SSH2: variants seen among roughly 807,000 people sequenced by gnomAD.
SSH2 encodes the protein slingshot protein phosphatase 2.
A neutral mutation model predicts 135.2 loss-of-function variants in SSH2; 37 were observed. That is an observed-to-expected ratio of 0.27 (90% confidence interval 0.21 to 0.36). The LOEUF is 0.36. Ranked by LOEUF, SSH2 falls within the 10% of genes least tolerant of loss-of-function variation. SSH2 has a pLI of 1.00. For missense variants in SSH2, 1,408 were observed against 1,765.3 expected, an observed-to-expected ratio of 0.80 and a Z score of 3.63; for synonymous variants, 628 against 646.2, an observed-to-expected ratio of 0.97 and a Z score of 0.43.
In SSH2 at chr17:29,853,977, A is replaced by G. The variant is rs190619669; in HGVS notation, c.64-5048T>C. On this transcript the variant is annotated intron_variant, in intron 1 of 15. Transcript: ENST00000540801. ...AAAGTAATTAAAAAAAGCACTTAGAATAACTTAGCTTCTGATGTTGCCACT... is the reference window on the plus strand; with the variant it reads ...AAAGTAATTAAAAAAAGCACTTAGAGTAACTTAGCTTCTGATGTTGCCACT... 2.0e-5 allele frequency among the ~76,000 whole-genome samples: 3 copies of G among 151,876 alleles called. No individual in the cohort carries two copies. In the East Asian group the frequency reaches 5.8e-4, roughly 29 times the overall value.
At chr17:29,690,012 CAAAAAAA>C (rs946244880) in intron 5 of SSH2, among the ~76,000 whole-genome samples, 4 of 31,364 alleles carry the variant, frequency 1.3e-4, no homozygotes, top group African/African-American at 4.7e-4. Flanking sequence ...AGATCCATCT[CAAAAAAA>C]AAAAAAAAAA....
At chr17:29,661,320 ATAAAGAGGATAGACAAACG>A (rs1181060408) in intron 11 of SSH2, among the ~76,000 whole-genome samples, 1 of 152,056 alleles carries the variant, frequency 6.6e-6, no homozygotes, top group African/African-American at 2.4e-5. Context: ...ACCTCACACA[ATAAAGAGGATAGACAAACG>A]TTTGTTAATT....
intron 3 of SSH2, among the ~76,000 whole-genome samples, chr17:29,747,135 G>A (rs868517909): frequency 1.3e-5 from 2 of 152,034 alleles, no homozygotes; most frequent in Non-Finnish European, 2.9e-5. Context: ...ATTATCTCAC[G>A]TGATATCCAA....
chr17:29,656,386 C>T (rs1324674384), intron 11 of SSH2, among the ~76,000 whole-genome samples: 1 of 152,132 alleles, frequency 6.6e-6, no homozygotes, highest in Non-Finnish European at 1.5e-5. Flanking sequence ...CCATGCTGGT[C>T]ATGCTGGTCT....
At chr17:29,792,050 G>C (rs2042077113) in intron 3 of SSH2, among the ~76,000 whole-genome samples, 1 of 151,588 alleles carries the variant, frequency 6.6e-6, no homozygotes, top group Admixed American at 6.6e-5. Flanking sequence ...AGCCTCCTGA[G>C]TAGCTGGGAT....
intron 12 of SSH2, among the ~76,000 whole-genome samples, chr17:29,652,664 T>C (rs2036625118): frequency 6.6e-6 from 1 of 152,160 alleles, no homozygotes. Flanking sequence ...TATTTATTTA[T>C]TTATTTTCCC....
intron 5 of SSH2, among the ~76,000 whole-genome samples, chr17:29,691,749 C>G (rs2038488062): frequency 6.6e-6 from 1 of 151,912 alleles, no homozygotes; most frequent in East Asian, 2.0e-4. Flanking sequence ...CTCGGCCTCC[C>G]AAAGTGCTGG....
At chr17:29,863,067 G>GT (rs113483873) in intron 1 of SSH2, among the ~76,000 whole-genome samples, 13,050 of 149,238 alleles carry the variant, frequency 0.087, 760 homozygotes, top group African/African-American at 0.17. Flanking sequence ...AAAAAGGATT[G>GT]TTTTTTTTTT....
chr17:29,829,350 C>T (rs982871996), intron 2 of SSH2, among the ~76,000 whole-genome samples: 10 of 152,158 alleles, frequency 6.6e-5, no homozygotes, highest in Non-Finnish European at 1.2e-4. Context: ...TACCACCACA[C>T]CATAACACCA....
chr17:29,836,537 G>C (rs772515012), intron 2 of SSH2, among the ~76,000 whole-genome samples: 16 of 152,068 alleles, frequency 1.1e-4, no homozygotes, highest in Non-Finnish European at 2.1e-4. Flanking sequence ...ATCTCTTCTA[G>C]AACAGGGATA....
chr17:29,715,660 T>G (rs953520987), intron 3 of SSH2, among the ~76,000 whole-genome samples: 3 of 152,214 alleles, frequency 2.0e-5, no homozygotes, highest in African/African-American at 7.2e-5. Flanking sequence ...TTTATTATTA[T>G]TACATGTCTG....
chr17:29,643,336 T>G (rs2036241146), intron 14 of SSH2: 1 of 942,700 alleles, frequency 1.1e-6, no homozygotes, highest in Non-Finnish European at 1.3e-6. Context: ...GAGGCCTGAT[T>G]TGATTTGGGT....
intron 1 of SSH2, among the ~76,000 whole-genome samples, chr17:29,902,384 T>C (rs1356372930): frequency 7.2e-5 from 11 of 152,156 alleles, no homozygotes; most frequent in Non-Finnish European, 1.5e-4. Flanking sequence ...ATGGTAGCCA[T>C]ATACCCCAGT....
At chr17:29,655,436 T>A (rs956550245) in intron 12 of SSH2, 125 bp downstream of exon 12, 1 of 918,394 alleles carries the variant, frequency 1.1e-6, no homozygotes, top group African/African-American at 1.6e-5. Context: ...TTACATCTGA[T>A]TAGAATCAGT....
intron 3 of SSH2, among the ~76,000 whole-genome samples, chr17:29,731,526 G>C (rs2040198835): frequency 6.6e-6 from 1 of 151,734 alleles, no homozygotes; most frequent in Non-Finnish European, 1.5e-5. Flanking sequence ...CACGATCTCG[G>C]CTCACTACAA....
chr17:29,832,673 TTTTTC>T (rs946162099), intron 2 of SSH2, among the ~76,000 whole-genome samples: 1 of 152,042 alleles, frequency 6.6e-6, no homozygotes, highest in African/African-American at 2.4e-5. Context: ...GTTTTCCAGT[TTTTTC>T]TTTTCTTTTT....
intron 2 of SSH2, among the ~76,000 whole-genome samples, chr17:29,805,575 C>G (rs1035530956): frequency 1.3e-5 from 2 of 152,078 alleles, no homozygotes; most frequent in African/African-American, 4.8e-5. Flanking sequence ...ACGTCGGTAG[C>G]CAAGGCGGAT....
chr17:29,688,300 C>G (rs1023436561), intron 5 of SSH2, among the ~76,000 whole-genome samples: 11 of 152,058 alleles, frequency 7.2e-5, no homozygotes, highest in African/African-American at 2.7e-4. Flanking sequence ...CGAGCCACTA[C>G]GCCCGGCCAG....
chr17:29,897,120 T>G (rs1411444937), intron 1 of SSH2, among the ~76,000 whole-genome samples: 3 of 151,736 alleles, frequency 2.0e-5, no homozygotes, highest in African/African-American at 7.3e-5. Context: ...TAAAACGAGC[T>G]CCTGAAGGAA....
Sources: allele counts gnomAD v4.1 joint callset (sites outside exome capture counted in the v4.1 genomes callset), GRCh38; gene constraint gnomAD v4.1.1; transcripts MANE v1.5; gene names NCBI Gene and HGNC (gene_info 2026-07-23, HGNC 2026-07-21).